FIRRM: variants seen among roughly 807,000 people sequenced by gnomAD.
FIRRM encodes FIGNL1-interacting regulator of recombination and mitosis.
chr1:169,843,685 A>G, the FIRRM span: 5 of 1,612,200 alleles, frequency 3.1e-6, no homozygotes, highest in Non-Finnish European at 2.5e-6. Context: ...TAGCAGATCA[A>G]CCTTATGTTC....
chr1:169,792,757 T>C, the FIRRM span: 1 of 1,613,756 alleles, frequency 6.2e-7, no homozygotes, highest in South Asian at 1.1e-5. Context: ...CATTTTTACT[T>C]AACAGTCTAA....
the FIRRM span, among the ~76,000 whole-genome samples, chr1:169,816,816 A>G: frequency 6.6e-6 from 1 of 152,182 alleles, no homozygotes; most frequent in Non-Finnish European, 1.5e-5. Flanking sequence ...GATTCCTTAA[A>G]GGAAAGCACA....
At chr1:169,812,334 A>G in the FIRRM span, among the ~76,000 whole-genome samples, 1 of 152,250 alleles carries the variant, frequency 6.6e-6, no homozygotes, top group Non-Finnish European at 1.5e-5. Flanking sequence ...TCAACAACTT[A>G]GAGTCTAGCC....
the FIRRM span, among the ~76,000 whole-genome samples, chr1:169,843,260 T>C: frequency 2.6e-4 from 39 of 152,348 alleles, no homozygotes; most frequent in East Asian, 4.2e-3. Context: ...CATTCAGTAT[T>C]CATTCAGGAT....
chr1:169,834,212 A>G, the FIRRM span, among the ~76,000 whole-genome samples: 1 of 152,188 alleles, frequency 6.6e-6, no homozygotes, highest in African/African-American at 2.4e-5. Context: ...ACTATCAGAT[A>G]TGTAAATTAT....
chr1:169,806,045 A>G, the FIRRM span: 2 of 1,603,460 alleles, frequency 1.2e-6, no homozygotes, highest in African/African-American at 2.7e-5. Context: ...TATTTCCAGT[A>G]TGGACCATGC....
At chr1:169,812,928 T>C in the FIRRM span, among the ~76,000 whole-genome samples, 2 of 152,118 alleles carry the variant, frequency 1.3e-5, no homozygotes, top group East Asian at 1.9e-4. Flanking sequence ...AATGGACTAT[T>C]TTCAAATATT....
At chr1:169,813,265 T>G in the FIRRM span, among the ~76,000 whole-genome samples, 1 of 152,234 alleles carries the variant, frequency 6.6e-6, no homozygotes, top group Non-Finnish European at 1.5e-5. Context: ...AGCCTCATTA[T>G]AGATGAGAAA....
At chr1:169,795,407 A>C in the FIRRM span, 1 of 1,405,024 alleles carries the variant, frequency 7.1e-7, no homozygotes, top group East Asian at 2.6e-5. Context: ...AGATTTAAGT[A>C]AGGCTTTGGC....
chr1:169,817,725 CAAAT>C, the FIRRM span, among the ~76,000 whole-genome samples: 1 of 152,012 alleles, frequency 6.6e-6, no homozygotes, highest in Admixed American at 6.5e-5. Context: ...ACTGTATAGA[CAAAT>C]CTATCTAATT....
At chr1:169,795,097 GA>G in the FIRRM span, 1 of 1,535,082 alleles carries the variant, frequency 6.5e-7, no homozygotes, top group South Asian at 1.2e-5. Context: ...CCTGTTTGAC[GA>G]AAGTATGTCT....
chr1:169,849,689 G>A, the FIRRM span: 1 of 1,076,076 alleles, frequency 9.3e-7, no homozygotes. Context: ...AACATTTATT[G>A]AACTGCTTCT....
At chr1:169,803,412 T>C in the FIRRM span, 1 of 1,147,732 alleles carries the variant, frequency 8.7e-7, no homozygotes, top group Non-Finnish European at 1.2e-6. Flanking sequence ...GTCTATATTA[T>C]TGAAATAAAC....
the FIRRM span, chr1:169,792,692 T>A: frequency 6.2e-7 from 1 of 1,613,144 alleles, no homozygotes; most frequent in Non-Finnish European, 8.5e-7. Context: ...CTGAAAGAGA[T>A]GAACACCTCC....
At chr1:169,831,775 G>C in the FIRRM span, among the ~76,000 whole-genome samples, 1 of 152,088 alleles carries the variant, frequency 6.6e-6, no homozygotes, top group Admixed American at 6.5e-5. Context: ...TTTTCTTAGA[G>C]ACAGGGTCTC....
chr1:169,800,197 C>G, the FIRRM span, among the ~76,000 whole-genome samples: 1 of 152,084 alleles, frequency 6.6e-6, no homozygotes, highest in African/African-American at 2.4e-5. Context: ...CCATGCGTGG[C>G]TAATTTTCTA....
At chr1:169,792,962 T>C in the FIRRM span, 3 of 1,614,036 alleles carry the variant, frequency 1.9e-6, no homozygotes, top group Non-Finnish European at 2.5e-6. Context: ...ATCTGGCTCA[T>C]TTACATCATT....
At chr1:169,832,758 T>A in the FIRRM span, among the ~76,000 whole-genome samples, 1 of 151,824 alleles carries the variant, frequency 6.6e-6, no homozygotes, top group African/African-American at 2.4e-5. Flanking sequence ...CACACACCAC[T>A]ACGCCTGGCT....
At chr1:169,842,555 G>T in the FIRRM span, 1 of 1,604,300 alleles carries the variant, frequency 6.2e-7, no homozygotes, top group South Asian at 1.1e-5. Flanking sequence ...GAAAGCAACT[G>T]ATCCTTTCCT....
Sources: gnomAD v4.1 joint callset for allele counts (sites outside exome capture counted in the v4.1 genomes callset) on GRCh38, gnomAD v4.1.1 for gene constraint, MANE v1.5 for transcripts, NCBI Gene and HGNC (gene_info 2026-07-23, HGNC 2026-07-21) for gene names.